NCOR1: variants seen among roughly 807,000 people sequenced by gnomAD.
NCOR1 encodes the protein protein phosphatase 1, regulatory subunit 109.
NCOR1 carries 63 observed loss-of-function variants against 288.1 expected under a neutral mutation model. That is an observed-to-expected ratio of 0.22 (90% CI 0.18 to 0.27). The LOEUF (loss-of-function observed/expected upper bound fraction) is 0.27, where lower values mean the gene tolerates loss of function less well. Among genes scored for constraint, NCOR1 ranks in the 10% least tolerant of loss-of-function variants. The pLI, the probability that NCOR1 is intolerant of heterozygous loss-of-function variation, is 1.00. For missense variants in NCOR1, 2,397 were observed against 3,019.2 expected, an observed-to-expected ratio of 0.79 and a Z score of 4.83; for synonymous variants, 1,007 against 1,065.9, an observed-to-expected ratio of 0.94 and a Z score of 1.08.
intron 42 of NCOR1, among the ~76,000 whole-genome samples, chr17:16,043,996 C>G (rs2058201161): frequency 6.6e-6 from 1 of 151,702 alleles, no homozygotes; most frequent in African/African-American, 2.4e-5. Context: ...ATGGATAAAC[C>G]CCGTCTGTAC....
intron 6 of NCOR1, 59 bp from the exon 7 acceptor site, chr17:16,153,454 A>G: frequency 8.9e-7 from 1 of 1,128,906 alleles, no homozygotes; most frequent in South Asian, 1.5e-5. Flanking sequence ...TAAGTGCAAA[A>G]TAATTATTTA....
intron 14 of NCOR1, among the ~76,000 whole-genome samples, chr17:16,135,335 C>T (rs78858196): frequency 6.6e-6 from 1 of 151,966 alleles, no homozygotes; most frequent in East Asian, 1.9e-4. Flanking sequence ...TCCTATTTCA[C>T]TGTCAACACT....
chr17:16,154,633 A>C (rs918957508), intron 6 of NCOR1, among the ~76,000 whole-genome samples: 1 of 152,228 alleles, frequency 6.6e-6, no homozygotes, highest in East Asian at 1.9e-4. Flanking sequence ...CTAAGAAAAG[A>C]GTATGGGGCA....
chr17:16,073,561 T>C lies in NCOR1; in HGVS notation c.3679A>G (p.Asn1227Asp). The C allele has an allele frequency of 1.9e-6, 3 of 1,606,294 alleles. No individual in the cohort carries two copies. The highest frequency in any genetic ancestry group is 2.3e-5 in the East Asian group (1 of 44,430). The change falls in exon 28 of 46, where the codon AAT becomes GAT. Residue 1227 changes from asparagine to aspartate, a missense_variant. Physicochemically the swap from Asn to Asp is conservative, Grantham distance 23. Transcript: ENST00000268712. ...GHILSYDNIKNAREGTRSPRT... is the reference protein window; with the variant it reads ...GHILSYDNIKDAREGTRSPRT... ...GGACTCCTAGTCCCTTCTCGGGCAT[T>C]CTTAATATCTACAGAATACACAAAC... is the stretch of plus-strand genomic sequence containing the variant.
chr17:16,159,908 C>A (rs2080481334), intron 5 of NCOR1, among the ~76,000 whole-genome samples: 1 of 151,318 alleles, frequency 6.6e-6, no homozygotes, highest in African/African-American at 2.4e-5. Context: ...GCGCTCACTG[C>A]AACCTCCGCT....
chr17:16,215,320 G>A (rs1452608590), intron 1 of NCOR1, 42 bp downstream of exon 1: 4 of 391,202 alleles, frequency 1.0e-5, no homozygotes, highest in African/African-American at 4.1e-5. Context: ...CGGACTAGCA[G>A]GAGCCCGGAG....
At chr17:16,194,432 T>C (rs1409544495) in intron 2 of NCOR1, 30 bp downstream of exon 2, 1 of 1,410,402 alleles carries the variant, frequency 7.1e-7, no homozygotes, top group Non-Finnish European at 9.9e-7. Context: ...ACAAAAAACA[T>C]GTGCAATTTG....
chr17:16,161,961 A>G (rs1218159503), intron 5 of NCOR1, among the ~76,000 whole-genome samples: 1 of 152,198 alleles, frequency 6.6e-6, no homozygotes, highest in East Asian at 1.9e-4. Context: ...GATTATTACC[A>G]TTGTACAAGT....
chr17:16,048,975 A>C lies in NCOR1; in HGVS notation c.6406T>G (p.Ser2136Ala). The part of the protein sequence containing the change: ...DKSRGSRPGK[S>A]PERSHVSSEP... Reference sequence around the variant, plus strand: ...GAAGAGACGTGACTCCTCTCTGGGGATTTTCCAGGCCTACTATTGTAATAT... The same window carrying C: ...GAAGAGACGTGACTCCTCTCTGGGGCTTTTCCAGGCCTACTATTGTAATAT... The change falls in exon 41 of 46, where the codon TCC becomes GCC. Residue 2136 changes from serine (S) to alanine (A), a missense_variant. Transcript: ENST00000268712. 6.2e-7 allele frequency: 1 copy of C among 1,607,850 alleles called. No individual in the cohort carries two copies.
chr17:16,035,461 T>C (rs1974185396), intron 44 of NCOR1, among the ~76,000 whole-genome samples: 1 of 152,056 alleles, frequency 6.6e-6, no homozygotes, highest in African/African-American at 2.4e-5. Flanking sequence ...TCCTCATCCA[T>C]TTCAAGTTTG....
At chr17:16,062,800 T>C (rs1379170784) in intron 35 of NCOR1, among the ~76,000 whole-genome samples, 2 of 152,242 alleles carry the variant, frequency 1.3e-5, no homozygotes, top group African/African-American at 4.8e-5. Flanking sequence ...AGCTCTCTCT[T>C]TTGAAATGAA....
At chr17:16,185,083 G>T (rs1478180499) in intron 3 of NCOR1, among the ~76,000 whole-genome samples, 2 of 151,406 alleles carry the variant, frequency 1.3e-5, no homozygotes, top group Non-Finnish European at 2.9e-5. Context: ...GGGGCAGGGG[G>T]TGGAAAGAAA....
chr17:16,090,450 A>C (rs1019589426), intron 22 of NCOR1, among the ~76,000 whole-genome samples: 9 of 152,162 alleles, frequency 5.9e-5, no homozygotes, highest in African/African-American at 2.2e-4. Flanking sequence ...GTCCATTAAT[A>C]CCCTGTAGTG....
chr17:16,090,744 A>G (rs1270188332), intron 22 of NCOR1, among the ~76,000 whole-genome samples: 2 of 152,218 alleles, frequency 1.3e-5, no homozygotes, highest in Non-Finnish European at 2.9e-5. Context: ...AAACTCTAAC[A>G]TAAGAGGTTC....
chr17:16,113,760 G>C (rs375546342), intron 18 of NCOR1, among the ~76,000 whole-genome samples: 1 of 152,084 alleles, frequency 6.6e-6, no homozygotes, highest in Non-Finnish European at 1.5e-5. Flanking sequence ...GGGCATAGCG[G>C]CGTGCGCCTG....
chr17:16,162,585 C>G (rs947772674), intron 5 of NCOR1, among the ~76,000 whole-genome samples: 1 of 151,758 alleles, frequency 6.6e-6, no homozygotes, highest in African/African-American at 2.4e-5. Flanking sequence ...CGGATTTAGA[C>G]CAAGAGCTAA....
intron 5 of NCOR1, among the ~76,000 whole-genome samples, chr17:16,160,945 A>G (rs1030272095): frequency 3.9e-5 from 6 of 152,160 alleles, no homozygotes; most frequent in Non-Finnish European, 8.8e-5. Flanking sequence ...TAAAAAAATA[A>G]TAATAAATAG....
chr17:16,080,018 T>C lies in NCOR1; in HGVS notation c.3447A>G (p.Pro1149=). 1 of 1,614,148 alleles carries C rather than the reference T, an allele frequency of 6.2e-7. No individual in the cohort carries two copies. The highest frequency in any genetic ancestry group is 8.5e-7 in the Non-Finnish European group (1 of 1,180,030). The change falls in exon 26 of 46, where the codon CCA becomes CCG. Residue 1149 remains proline (P), a synonymous_variant. Coordinates refer to ENST00000268712, the MANE Select transcript of NCOR1 (RefSeq NM_006311.4). ...TGCTCTCCACTGAAATTTTGCTGGT[T>C]GGAGTTCCCCGAGTTATACTTCCTT... The part of the protein sequence containing the change: ...IQEGSITRGT[P]TSKISVESIP...
intron 14 of NCOR1, among the ~76,000 whole-genome samples, chr17:16,135,150 C>T (rs987292489): frequency 1.6e-5 from 2 of 125,830 alleles, no homozygotes; most frequent in Non-Finnish European, 3.2e-5. Flanking sequence ...CAGAGCGAGA[C>T]TCCATCTCAA....
Sources: allele counts gnomAD v4.1 joint callset (sites outside exome capture counted in the v4.1 genomes callset), GRCh38; gene constraint gnomAD v4.1.1; transcripts MANE v1.5; gene names NCBI Gene and HGNC (gene_info 2026-07-23, HGNC 2026-07-21).